Variants in SFXN5 observed in about 807,000 individuals in gnomAD.
SFXN5 encodes sideroflexin 5.
A neutral mutation model predicts 50.2 loss-of-function variants in SFXN5; 43 were observed. The ratio of observed to expected loss-of-function variants is 0.86; its 90% confidence interval spans 0.67 to 1.11. The LOEUF is 1.11. Among genes scored for constraint, SFXN5 ranks in the 50% least tolerant of loss-of-function variants. SFXN5 has a pLI of 0.00. For synonymous variants in SFXN5, 203 were observed against 185.8 expected, an observed-to-expected ratio of 1.09 and a Z score of -0.75; for missense variants, 463 against 454.1, an observed-to-expected ratio of 1.02 and a Z score of -0.18.
At chr2:73,044,062 C>G (rs766120335) in intron 2 of SFXN5, among the ~76,000 whole-genome samples, 36 of 152,202 alleles carry the variant, frequency 2.4e-4, no homozygotes, top group Non-Finnish European at 3.8e-4. Context: ...GAATGCTCTA[C>G]TTTCCAACGC....
intron 6 of SFXN5, among the ~76,000 whole-genome samples, chr2:73,007,158 G>A (rs938078724): frequency 4.6e-5 from 7 of 152,144 alleles, no homozygotes; most frequent in African/African-American, 1.4e-4. Context: ...CCACAGTTCT[G>A]TGTACGATGA....
chr2:73,015,350 T>C (rs944300230), intron 6 of SFXN5, among the ~76,000 whole-genome samples: 22 of 152,254 alleles, frequency 1.4e-4, no homozygotes, highest in African/African-American at 5.1e-4. Flanking sequence ...ATTGCTATTA[T>C]TTTATTTCAT....
At chr2:73,042,299 T>C (rs1679743705) in intron 2 of SFXN5, among the ~76,000 whole-genome samples, 1 of 152,186 alleles carries the variant, frequency 6.6e-6, no homozygotes, top group South Asian at 2.1e-4. Context: ...ATGCACACTA[T>C]AACTATTATA....
intron 6 of SFXN5, among the ~76,000 whole-genome samples, chr2:73,017,342 T>C (rs62147728): frequency 0.15 from 23,176 of 152,064 alleles, 2,057 homozygotes; most frequent in East Asian, 0.37. Flanking sequence ...TCCCCTCTCC[T>C]AAATATCAAA....
intron 10 of SFXN5, among the ~76,000 whole-genome samples, chr2:72,979,959 T>C (rs893834846): frequency 2.0e-5 from 3 of 152,186 alleles, no homozygotes; most frequent in Non-Finnish European, 4.4e-5. Flanking sequence ...TTATGTATTA[T>C]CAGAAAGAAA....
chr2:73,006,472 A>G (rs1367750423), intron 6 of SFXN5, among the ~76,000 whole-genome samples: 1 of 152,018 alleles, frequency 6.6e-6, no homozygotes, highest in Non-Finnish European at 1.5e-5. Flanking sequence ...AAATGCAAAA[A>G]CTAGCTGAGG....
At chr2:72,998,608 C>A (rs58731407) in intron 9 of SFXN5, 41,149 of 291,932 alleles carry the variant, frequency 0.14, 3,455 homozygotes, top group East Asian at 0.31. Flanking sequence ...GGCATCCCCC[C>A]ACCCCGCTCG....
intron 10 of SFXN5, among the ~76,000 whole-genome samples, chr2:72,974,555 C>A (rs968457380): frequency 2.6e-5 from 4 of 152,150 alleles, no homozygotes; most frequent in African/African-American, 9.7e-5. Flanking sequence ...TCCCTTGAAA[C>A]CGGCAATTCT....
Position 72,956,163 on chromosome 2 carries a change from C to A in SFXN5, c.945+4968G>T, listed in dbSNP as rs563642385. On this transcript the variant is annotated intron_variant, in intron 13 of 13. Coordinates refer to ENST00000272433, the MANE Select transcript of SFXN5 (RefSeq NM_144579.3). ...GGGACAGGCTGGTGGGGCAGGCCTA[C>A]AGCAGTAACCTCCAGATCCACCAGA... is the stretch of plus-strand genomic sequence containing the variant. 7.9e-5 allele frequency among the ~76,000 whole-genome samples: 12 copies of A among 152,332 alleles called. 1 individual carries two copies. The highest frequency in any genetic ancestry group is 7.8e-4 in the Admixed American group (12 of 15,312).
chr2:73,063,767 C>T (rs1682983260), intron 1 of SFXN5, among the ~76,000 whole-genome samples: 1 of 152,148 alleles, frequency 6.6e-6, no homozygotes, highest in African/African-American at 2.4e-5. Flanking sequence ...CTTTATAGAT[C>T]CTGTGGGTCC....
rs968362460 is a variant in SFXN5, at chr2:72,992,264, G to A, written c.535-3916C>T. Among the ~76,000 whole-genome samples the A allele has an allele frequency of 1.3e-5, 2 of 152,324 alleles. No homozygotes were observed. Among genetic ancestry groups the A allele is most frequent in the Non-Finnish European group, 1.5e-5 (1 of 68,022 alleles). On this transcript the variant is annotated intron_variant, in intron 9 of 13. Coordinates refer to ENST00000272433, the MANE Select transcript of SFXN5 (RefSeq NM_144579.3). This position sits in a 1 kb window ranked among gnomAD's most constrained non-coding sequence, Gnocchi z 4.5. ...GGGCTGACCAGCACCAGGAGCTATG[G>A]GTGGGGTGGGAGCTTCATGACACCA...
chr2:73,053,902 G>A (rs1054857491), intron 2 of SFXN5, among the ~76,000 whole-genome samples: 6 of 152,158 alleles, frequency 3.9e-5, no homozygotes, highest in African/African-American at 1.4e-4. Flanking sequence ...CAAGGGCCCT[G>A]GGAGGAAAAC....
intron 2 of SFXN5, among the ~76,000 whole-genome samples, chr2:73,052,359 CGTGTGTGTGTGTGTGT>C (rs59839344): frequency 1.4e-5 from 2 of 142,348 alleles, no homozygotes; most frequent in African/African-American, 2.6e-5. Flanking sequence ...TGTGTGTATG[CGTGTGTGTGTGTGTGT>C]GTGTGTGTGT....
rs148130283 is a variant in SFXN5, at chr2:73,016,413, T to C, written c.357+3826A>G. On this transcript the variant is annotated intron_variant, in intron 6 of 13. Coordinates refer to ENST00000272433, the MANE Select transcript of SFXN5 (RefSeq NM_144579.3). ...GATATACAGTGATTTTCAAGATATA[T>C]CAAGTGGAAGAGCTGGGGCAGTGGC... 4.4e-3 allele frequency among the ~76,000 whole-genome samples: 669 copies of C among 152,216 alleles called. 9 individuals are homozygous for C. The highest frequency in any genetic ancestry group is 0.015 in the African/African-American group (603 of 41,518).
intron 3 of SFXN5, among the ~76,000 whole-genome samples, chr2:73,039,725 C>T (rs932155377): frequency 1.3e-5 from 2 of 152,146 alleles, no homozygotes; most frequent in Admixed American, 6.5e-5. Flanking sequence ...GCGGAACAGG[C>T]ATGGGAACTG....
chr2:73,025,142 A>T (rs1677392755), intron 3 of SFXN5, among the ~76,000 whole-genome samples: 1 of 151,966 alleles, frequency 6.6e-6, no homozygotes, highest in East Asian at 1.9e-4. Flanking sequence ...AGGTTATTTA[A>T]AAACAACAAC....
chr2:73,031,962 A>T (rs1198106946), intron 3 of SFXN5, among the ~76,000 whole-genome samples: 1 of 152,206 alleles, frequency 6.6e-6, no homozygotes, highest in Non-Finnish European at 1.5e-5. Flanking sequence ...CCCAGCTTAG[A>T]GGGAGAACAG....
intron 10 of SFXN5, among the ~76,000 whole-genome samples, chr2:72,986,445 G>A (rs1279370553): frequency 1.3e-5 from 2 of 152,120 alleles, no homozygotes; most frequent in East Asian, 1.9e-4. Context: ...GGAGAAGCAG[G>A]GCCCTGTAGA....
intron 3 of SFXN5, among the ~76,000 whole-genome samples, chr2:73,035,780 G>A (rs754634067): frequency 6.6e-5 from 10 of 152,178 alleles, no homozygotes; most frequent in Non-Finnish European, 1.3e-4. Context: ...GATTACAGGT[G>A]TGAGACACCA....
Sources: gnomAD v4.1 joint callset for allele counts (sites outside exome capture counted in the v4.1 genomes callset) on GRCh38, gnomAD v4.1.1 for gene constraint, Gnocchi (gnomAD v3.1) non-coding constraint, MANE v1.5 for transcripts, NCBI Gene and HGNC (gene_info 2026-07-23, HGNC 2026-07-21) for gene names.